Variants in SSBP2 observed in about 807,000 individuals in gnomAD.
SSBP2 encodes the protein single-stranded DNA-binding protein 2.
In SSBP2, 17 loss-of-function variants were observed where a neutral mutation model predicts 61.8. The ratio of observed to expected loss-of-function variants is 0.28; its 90% CI spans 0.19 to 0.41. The LOEUF (loss-of-function observed/expected upper bound fraction) is 0.41, where lower values mean the gene tolerates loss of function less well. Among genes scored for constraint, SSBP2 ranks in the 10% least tolerant of loss-of-function variants. The probability of loss-of-function intolerance (pLI) is 1.00; values close to 1 mark genes in which losing one functional copy is unlikely to be tolerated. For synonymous variants in SSBP2, 139 were observed against 141.3 expected (o/e 0.98, Z 0.12); for missense variants, 310 against 458.7 (o/e 0.68, Z 2.96).
At chr5:81,701,981 GTTT>G (rs1754015469) in intron 1 of SSBP2, among the ~76,000 whole-genome samples, 1 of 152,126 alleles carries the variant, frequency 6.6e-6, no homozygotes, top group Non-Finnish European at 1.5e-5. Flanking sequence ...TAAAATGTAT[GTTT>G]AACTGTATCA....
chr5:81,709,103 T>G (rs1754599042), intron 1 of SSBP2, among the ~76,000 whole-genome samples: 1 of 151,976 alleles, frequency 6.6e-6, no homozygotes, highest in Non-Finnish European at 1.5e-5. Flanking sequence ...CTTTGTTTAC[T>G]TATGCCAATA....
intron 1 of SSBP2, among the ~76,000 whole-genome samples, chr5:81,683,416 T>C (rs185892880): frequency 1.3e-5 from 2 of 152,282 alleles, no homozygotes; most frequent in Admixed American, 1.3e-4. Context: ...GTTTGAACAA[T>C]TGAGCATAGA....
intron 4 of SSBP2, among the ~76,000 whole-genome samples, chr5:81,583,750 G>C (rs917471599): frequency 6.6e-5 from 10 of 151,974 alleles, no homozygotes; most frequent in African/African-American, 2.4e-4. Flanking sequence ...ATATATAGAA[G>C]CTATTTCTAA....
chr5:81,695,199 T>C (rs1304841698), intron 1 of SSBP2, among the ~76,000 whole-genome samples: 2 of 152,204 alleles, frequency 1.3e-5, no homozygotes, highest in East Asian at 3.8e-4. Flanking sequence ...CTAAAATCAC[T>C]TACTAAAACT....
chr5:81,631,963 T>C (rs1160695372), intron 3 of SSBP2, among the ~76,000 whole-genome samples: 1 of 152,092 alleles, frequency 6.6e-6, no homozygotes, highest in African/African-American at 2.4e-5. Flanking sequence ...ACCCTGCAAC[T>C]CCACACACAC....
chr5:81,503,980 C>T (rs753368079), intron 5 of SSBP2, among the ~76,000 whole-genome samples: 1 of 151,894 alleles, frequency 6.6e-6, no homozygotes, highest in Non-Finnish European at 1.5e-5. Context: ...CTGGGGCCTA[C>T]TTGAGGGTGG....
At chr5:81,512,201 T>C (rs984532360) in intron 5 of SSBP2, among the ~76,000 whole-genome samples, 13 of 152,316 alleles carry the variant, frequency 8.5e-5, no homozygotes, top group African/African-American at 2.9e-4. Flanking sequence ...AACAATCAAC[T>C]ACGAGGCTTA....
chr5:81,501,260 T>C (rs1419043360), intron 5 of SSBP2, among the ~76,000 whole-genome samples: 1,420 of 48,992 alleles, frequency 0.029, 275 homozygotes, highest in African/African-American at 0.18. Context: ...TATATATATA[T>C]ATATATATAC....
chr5:81,446,337 GAAGT>G (rs920938472), intron 12 of SSBP2, among the ~76,000 whole-genome samples: 42 of 152,222 alleles, frequency 2.8e-4, no homozygotes, highest in African/African-American at 9.1e-4. Context: ...TGAAAACATT[GAAGT>G]ATGTTTTAGT....
At chr5:81,523,812 A>T (rs948624604) in intron 4 of SSBP2, among the ~76,000 whole-genome samples, 10 of 152,078 alleles carry the variant, frequency 6.6e-5, no homozygotes, top group Non-Finnish European at 1.0e-4. Flanking sequence ...AATAACATTT[A>T]GCCAAATACT....
chr5:81,513,236 T>C (rs1322367744), intron 5 of SSBP2, among the ~76,000 whole-genome samples: 2 of 152,114 alleles, frequency 1.3e-5, no homozygotes, highest in South Asian at 4.1e-4. Flanking sequence ...TAAATTATAA[T>C]TTAGTTATAT....
At chr5:81,567,717 G>T (rs1773534716) in intron 4 of SSBP2, among the ~76,000 whole-genome samples, 1 of 152,190 alleles carries the variant, frequency 6.6e-6, no homozygotes, top group Non-Finnish European at 1.5e-5. Context: ...ACTGTACCCT[G>T]CAAAACCACA....
At chr5:81,422,446 G>A (rs780568891) in intron 16 of SSBP2, among the ~76,000 whole-genome samples, 2 of 152,162 alleles carry the variant, frequency 1.3e-5, no homozygotes, top group African/African-American at 2.4e-5. Context: ...AAAGGTGGGT[G>A]ATTAGGCCTG....
At chr5:81,749,807 C>A (rs1001569125) in intron 1 of SSBP2, among the ~76,000 whole-genome samples, 1 of 152,364 alleles carries the variant, frequency 6.6e-6, no homozygotes, top group South Asian at 2.1e-4. Flanking sequence ...ACAGTGGCAT[C>A]CCGGGCCGGG....
At chr5:81,728,908 T>C (rs1383951114) in intron 1 of SSBP2, among the ~76,000 whole-genome samples, 2 of 150,522 alleles carry the variant, frequency 1.3e-5, no homozygotes, top group Non-Finnish European at 3.0e-5. Flanking sequence ...TGATGTTTAA[T>C]AGAGAATGAA....
chr5:81,730,092 G>C (rs1756153595), intron 1 of SSBP2, among the ~76,000 whole-genome samples: 1 of 151,926 alleles, frequency 6.6e-6, no homozygotes, highest in Non-Finnish European at 1.5e-5. Context: ...TTTTACCAGT[G>C]GTTATTTCTT....
chr5:81,662,330 G>A (rs562371616), intron 1 of SSBP2, among the ~76,000 whole-genome samples: 211 of 152,142 alleles, frequency 1.4e-3, no homozygotes, highest in Non-Finnish European at 2.7e-3. Context: ...AGCCGGGCAT[G>A]GTGGCAGACG....
intron 5 of SSBP2, among the ~76,000 whole-genome samples, chr5:81,493,080 C>A (rs1216942948): frequency 6.6e-6 from 1 of 151,580 alleles, no homozygotes; most frequent in South Asian, 2.1e-4. Context: ...ATTAAATATC[C>A]CACAACACAA....
chr5:81,433,072 C>A lies in SSBP2; in HGVS notation c.957+4358G>T, dbSNP rs1580667396. Among the ~76,000 whole-genome samples, 4 of 152,122 alleles carry A rather than the reference C, an allele frequency of 2.6e-5. No individual in the cohort carries two copies. The South Asian group carries it at 8.3e-4, about 32-fold the overall frequency. On this transcript the variant is annotated intron_variant, in intron 15 of 16. Coordinates refer to ENST00000320672, the MANE Select transcript of SSBP2 (RefSeq NM_012446.5). Reference sequence around the variant, plus strand: ...GCCGCCCCTACTGGGAAGTGAGGAGCCCCTCTGCCTGGCCACCACCCCGTC... The same window carrying A: ...GCCGCCCCTACTGGGAAGTGAGGAGACCCTCTGCCTGGCCACCACCCCGTC...
Sources: gnomAD v4.1 joint callset for allele counts (sites outside exome capture counted in the v4.1 genomes callset) on GRCh38, gnomAD v4.1.1 for gene constraint, MANE v1.5 for transcripts, NCBI Gene and HGNC (gene_info 2026-07-23, HGNC 2026-07-21) for gene names.